Variants in ESF1 observed in about 807,000 individuals in gnomAD.
The protein encoded by ESF1 is ESF1 nucleolar pre-rRNA processing protein.
ESF1 carries 58 observed loss-of-function variants against 92.0 expected under a neutral mutation model. That is an observed-to-expected ratio of 0.63 (90% confidence interval 0.51 to 0.78). The LOEUF (loss-of-function observed/expected upper bound fraction) is 0.78, where lower values mean the gene tolerates loss of function less well. Ranked by LOEUF, ESF1 falls within the 30% of genes least tolerant of loss-of-function variation. ESF1 has a pLI of 0.00. For missense variants in ESF1, 922 were observed against 989.1 expected (o/e 0.93, Z 0.91); for synonymous variants, 321 against 313.7 (o/e 1.02, Z -0.24).
intron 2 of ESF1, among the ~76,000 whole-genome samples, chr20:13,782,249 T>C (rs2147453252): frequency 6.6e-6 from 1 of 152,302 alleles, no homozygotes; most frequent in South Asian, 2.1e-4. Context: ...TTAGAGAATA[T>C]AGTTCTCATT....
At position 13,760,569 on chromosome 20, in the gene ESF1, A is replaced by G. The variant is rs1165625104; in HGVS notation, c.1667-716T>C. On this transcript the variant is annotated intron_variant, in intron 8 of 13. Transcript: ENST00000617257. ...AGCCCCTCCGCCCGGCAGCCGCCCC[A>G]TCTGGGAAGTGAGGAGCCCCTCCGC... is the stretch of plus-strand genomic sequence containing the variant. 2.6e-4 allele frequency among the ~76,000 whole-genome samples: 35 copies of G among 135,332 alleles called. 1 individual carries two copies. The East Asian group carries it at 8.4e-3, about 32-fold the overall frequency. 88.8% of individuals were successfully genotyped at this position (135,332 alleles called of 152,430 possible).
At chr20:13,779,729 T>A (rs1434262464) in intron 2 of ESF1, among the ~76,000 whole-genome samples, 3 of 152,186 alleles carry the variant, frequency 2.0e-5, no homozygotes, top group African/African-American at 7.2e-5. Context: ...GAGACCGGGT[T>A]TTGCCATGTT....
chr20:13,733,955 G>GT (rs2049960379), intron 9 of ESF1, 113 bp from the exon 10 acceptor site: 1 of 1,249,900 alleles, frequency 8.0e-7, no homozygotes, highest in Admixed American at 2.6e-5. Context: ...GAGTAACAAA[G>GT]ATAACATGCA....
At chr20:13,736,845 A>C (rs1434964982) in intron 9 of ESF1, among the ~76,000 whole-genome samples, 1 of 152,332 alleles carries the variant, frequency 6.6e-6, no homozygotes, top group Admixed American at 6.5e-5. Flanking sequence ...AGTTTAATAC[A>C]GTCTGTAATT....
chr20:13,776,428 T>C (rs1050166361), intron 2 of ESF1, among the ~76,000 whole-genome samples, 158 bp from the exon 3 acceptor site: 1 of 152,232 alleles, frequency 6.6e-6, no homozygotes, highest in African/African-American at 2.4e-5. Context: ...ATTTTTATGA[T>C]AGAAATCCTA....
chr20:13,729,096 T>C (rs972450782), intron 10 of ESF1, among the ~76,000 whole-genome samples: 1 of 151,836 alleles, frequency 6.6e-6, no homozygotes, highest in African/African-American at 2.4e-5. Context: ...CCATCTCTAC[T>C]AAAAATACAA....
intron 9 of ESF1, among the ~76,000 whole-genome samples, chr20:13,748,141 C>T (rs894391993): frequency 2.0e-5 from 3 of 152,132 alleles, no homozygotes; most frequent in African/African-American, 7.2e-5. Context: ...ACTGCATTTT[C>T]CATAGCTTGC....
chr20:13,728,575 GT>G lies in ESF1; in HGVS notation c.1951-111del, dbSNP rs1194012198. On this transcript the variant is annotated intron_variant, in intron 10 of 13. Transcript: ENST00000617257. ...TTAAACCAAGTAGTTCAATCTAAAA[GT>G]AAATCAGTGGCCAAGCGTGGTGGCT... 4.5e-6 allele frequency: 4 copies of G among 879,266 alleles called. No individual in the cohort carries two copies. In the African/African-American group the frequency reaches 6.8e-5, roughly 15 times the overall value. 54.5% of individuals were successfully genotyped at this position (879,266 alleles called of 1,614,324 possible).
intron 9 of ESF1, among the ~76,000 whole-genome samples, chr20:13,747,217 T>C (rs6042334): frequency 0.98 from 147,957 of 151,536 alleles, 72,312 homozygotes; most frequent in East Asian, 1. Context: ...GTGTCCTTTA[T>C]GCAGTATTTG....
chr20:13,783,237 A>G (rs1160508010), intron 1 of ESF1, 54 bp from the exon 2 acceptor site: 4 of 1,174,120 alleles, frequency 3.4e-6, no homozygotes, highest in African/African-American at 2.4e-5. Context: ...CAATAATTAA[A>G]TGTTTTAAAA....
intron 9 of ESF1, 119 bp downstream of exon 9, chr20:13,759,573 G>A: frequency 7.7e-7 from 1 of 1,299,330 alleles, no homozygotes; most frequent in Non-Finnish European, 1.0e-6. Flanking sequence ...TTAGTTAAAT[G>A]GTGTATGCAA....
At position 13,715,177 on chromosome 20, in the gene ESF1, C is replaced by CAA. The variant is rs372853781; in HGVS notation, c.2263-12_2263-11dup. On this transcript the variant is annotated splice_polypyrimidine_tract_variant and intron_variant, in intron 13 of 13. Transcript: ENST00000617257. ...CATCGTTAACATTTACCTGCAAATC[C>CAA]AAAAAAAAAAAAAATTAATAAATTA... 1.1e-3 allele frequency: 1,318 copies of CAA among 1,196,164 alleles called. No individual in the cohort carries two copies. The highest frequency in any genetic ancestry group is 1.2e-3 in the Non-Finnish European group (1,090 of 909,542). 74.1% of individuals were successfully genotyped at this position (1,196,164 alleles called of 1,614,324 possible).
At chr20:13,778,209 T>G (rs1204766452) in intron 2 of ESF1, among the ~76,000 whole-genome samples, 5 of 152,206 alleles carry the variant, frequency 3.3e-5, no homozygotes, top group African/African-American at 1.2e-4. Context: ...TGGGCTTTTA[T>G]GTTACCACCA....
At position 13,771,466 on chromosome 20, in the gene ESF1, A is replaced by T. The variant is rs897431141; in HGVS notation, c.1268T>A (p.Leu423Ter). The stretch of plus-strand genomic sequence containing the variant: ...CAGTCGTTTGAATTGATAATCTCTC[A>T]ATTTTTCTCTAGACGTCCTAAAGTG... Reference protein sequence around the residue: ...PEKDWTSREKLRDYQFKRLKY... With the variant: ...PEKDWTSREK Residue 423 changes from leucine to a stop codon, truncating the protein, a stop_gained, in exon 6 of 14, where the codon TTG becomes TAG. Transcript: ENST00000617257. LOFTEE classifies it high-confidence loss of function. The T allele has an allele frequency of 1.9e-6, 3 of 1,612,706 alleles. No homozygotes were observed. The highest frequency in any genetic ancestry group is 2.5e-6 in the Non-Finnish European group (3 of 1,179,394).
chr20:13,749,867 G>A (rs1004290920), intron 9 of ESF1, among the ~76,000 whole-genome samples: 17 of 151,736 alleles, frequency 1.1e-4, no homozygotes, highest in Admixed American at 8.6e-4. Flanking sequence ...ATGCCCGGCC[G>A]GGTATATCTT....
intron 10 of ESF1, among the ~76,000 whole-genome samples, chr20:13,732,903 C>CTTATTTATTTATTTAT (rs59748081): frequency 2.7e-5 from 4 of 147,440 alleles, no homozygotes; most frequent in East Asian, 2.0e-4. Context: ...AGGAAATACT[C>CTTATTTATTTATTTAT]TTATTTATTT....
intron 2 of ESF1, among the ~76,000 whole-genome samples, chr20:13,779,058 T>C (rs1163620573): frequency 6.6e-6 from 1 of 151,784 alleles, no homozygotes; most frequent in Non-Finnish European, 1.5e-5. Context: ...AAAATAAAAA[T>C]AAAAAACCCC....
intron 9 of ESF1, among the ~76,000 whole-genome samples, chr20:13,744,351 C>G (rs2050034219): frequency 6.6e-6 from 1 of 152,158 alleles, no homozygotes; most frequent in South Asian, 2.1e-4. Context: ...GAATCAGAAT[C>G]AATAAGACAA....
intron 9 of ESF1, among the ~76,000 whole-genome samples, chr20:13,747,772 G>A (rs1978346511): frequency 6.6e-6 from 1 of 152,010 alleles, no homozygotes; most frequent in South Asian, 2.1e-4. Context: ...AAACCTAGAT[G>A]GTGTGTAGCT....
Sources: gnomAD v4.1 joint callset for allele counts (sites outside exome capture counted in the v4.1 genomes callset) on GRCh38, gnomAD v4.1.1 for gene constraint, MANE v1.5 for transcripts, NCBI Gene and HGNC (gene_info 2026-07-23, HGNC 2026-07-21) for gene names.